Variants in FBXW10B observed in about 807,000 individuals in gnomAD.
FBXW10B encodes the protein F-box and WD repeat domain containing protein 10B.
At chr17:15,593,296 CAG>C in the FBXW10B span, 1 of 1,609,778 alleles carries the variant, frequency 6.2e-7, no homozygotes, top group Non-Finnish European at 8.5e-7. Flanking sequence ...AAAAATCCAA[CAG>C]AATCACTCAC....
the FBXW10B span, chr17:15,605,344 C>A: frequency 2.5e-6 from 4 of 1,592,970 alleles, no homozygotes; most frequent in Non-Finnish European, 3.4e-6. Context: ...TGTATGATGT[C>A]CAGAAGATGG....
chr17:15,612,568 T>C, the FBXW10B span: 2 of 1,295,540 alleles, frequency 1.5e-6, no homozygotes, highest in East Asian at 4.7e-5. Context: ...CACAGAACTC[T>C]CGTCTTCCTT....
chr17:15,606,621 A>G, the FBXW10B span, among the ~76,000 whole-genome samples: 1 of 147,900 alleles, frequency 6.8e-6, no homozygotes, highest in Non-Finnish European at 1.5e-5. Context: ...ATATATATAT[A>G]CATGTACATA....
the FBXW10B span, among the ~76,000 whole-genome samples, chr17:15,567,064 G>A: frequency 6.6e-5 from 10 of 150,842 alleles, no homozygotes; most frequent in African/African-American, 2.4e-4. Context: ...GAGGTCAGGC[G>A]ATCCAGACCA....
chr17:15,588,795 G>A, the FBXW10B span: 144 of 1,091,298 alleles, frequency 1.3e-4, no homozygotes, highest in South Asian at 6.5e-4. Flanking sequence ...CCGATTTTAG[G>A]CAGTGTGATT....
At chr17:15,615,592 C>T in the FBXW10B span, 5 of 1,607,944 alleles carry the variant, frequency 3.1e-6, no homozygotes, top group South Asian at 1.1e-5. Flanking sequence ...GGATTACAGG[C>T]GTGAGCCACC....
At chr17:15,588,892 C>G in the FBXW10B span, 21 of 1,614,124 alleles carry the variant, frequency 1.3e-5, no homozygotes, top group African/African-American at 2.8e-4. Flanking sequence ...TTGTGCTGTT[C>G]CAGGAGTTGC....
chr17:15,604,017 T>C, the FBXW10B span, among the ~76,000 whole-genome samples: 7 of 146,956 alleles, frequency 4.8e-5, no homozygotes, highest in African/African-American at 1.8e-4. Flanking sequence ...GAGGCGGAGC[T>C]TGCAGTGAGC....
chr17:15,602,624 G>GTTTTTTTTT, the FBXW10B span, among the ~76,000 whole-genome samples: 1 of 75,398 alleles, frequency 1.3e-5, no homozygotes. Flanking sequence ...TTGAGACCGA[G>GTTTTTTTTT]TTTTTTTTTT....
the FBXW10B span, among the ~76,000 whole-genome samples, chr17:15,596,027 C>T: frequency 6.6e-6 from 1 of 151,570 alleles, no homozygotes; most frequent in East Asian, 1.9e-4. Context: ...TACAAGCGCC[C>T]ACCACCATGC....
the FBXW10B span, chr17:15,596,406 G>A: frequency 7.5e-7 from 1 of 1,336,344 alleles, no homozygotes. Flanking sequence ...TGTCCTTCTT[G>A]AAGGCCATAC....
At chr17:15,619,285 G>T in the FBXW10B span, 1 of 1,613,904 alleles carries the variant, frequency 6.2e-7, no homozygotes. Context: ...TGGTCTGAAG[G>T]ATATTTTGGA....
chr17:15,595,718 A>G, the FBXW10B span, among the ~76,000 whole-genome samples: 1 of 152,050 alleles, frequency 6.6e-6, no homozygotes, highest in Admixed American at 6.6e-5. Flanking sequence ...CAAATCATAT[A>G]TCAACACCAC....
the FBXW10B span, among the ~76,000 whole-genome samples, chr17:15,603,119 G>A: frequency 2.0e-5 from 3 of 146,908 alleles, no homozygotes; most frequent in Admixed American, 2.0e-4. Context: ...CCCGACCTCA[G>A]ATGATCCGCC....
At chr17:15,592,961 G>A in the FBXW10B span, among the ~76,000 whole-genome samples, 25,378 of 148,792 alleles carry the variant, frequency 0.17, 2,506 homozygotes, top group African/African-American at 0.29. Flanking sequence ...AAAATTAGCC[G>A]GGCATACTGG....
At chr17:15,588,553 T>G in the FBXW10B span, 5 of 270,046 alleles carry the variant, frequency 1.9e-5, no homozygotes, top group Non-Finnish European at 3.6e-5. Context: ...GAAACCTAGC[T>G]GCCCTATAGC....
At chr17:15,570,386 C>T in the FBXW10B span, among the ~76,000 whole-genome samples, 4 of 151,996 alleles carry the variant, frequency 2.6e-5, no homozygotes, top group African/African-American at 9.7e-5. Context: ...ACATGGTGAG[C>T]AAAAATGCAA....
At chr17:15,582,566 T>C in the FBXW10B span, among the ~76,000 whole-genome samples, 896 of 151,752 alleles carry the variant, frequency 5.9e-3, 10 homozygotes, top group African/African-American at 0.02. Context: ...TCCTTTACTT[T>C]TTTTTTACTG....
chr17:15,584,872 TG>T, the FBXW10B span, among the ~76,000 whole-genome samples: 1 of 152,148 alleles, frequency 6.6e-6, no homozygotes, highest in Admixed American at 6.5e-5. Flanking sequence ...ATTAAATTCA[TG>T]TGTGCTCTTC....
Sources: allele counts gnomAD v4.1 joint callset (sites outside exome capture counted in the v4.1 genomes callset), GRCh38; gene constraint gnomAD v4.1.1; transcripts MANE v1.5; gene names NCBI Gene and HGNC (gene_info 2026-07-23, HGNC 2026-07-21).